Variants in KRABD3 observed in about 807,000 individuals in gnomAD.
The protein encoded by KRABD3 is KRAB domain containing 3.
At chr7:149,722,136 A>G in the KRABD3 span, 2 of 473,498 alleles carry the variant, frequency 4.2e-6, no homozygotes, top group South Asian at 4.2e-5. Flanking sequence ...TGGTTTGAGA[A>G]GCGTGAGTGT....
chr7:149,733,574 T>A, the KRABD3 span: 12 of 1,600,254 alleles, frequency 7.5e-6, no homozygotes, highest in Non-Finnish European at 1.0e-5. Flanking sequence ...ACATCTGCCC[T>A]ACTGGAGGCA....
the KRABD3 span, chr7:149,730,217 C>G: frequency 3.2e-4 from 496 of 1,572,588 alleles, no homozygotes; most frequent in Non-Finnish European, 3.4e-5. Context: ...CTGTAAGGCC[C>G]TTGCGCTTCG....
chr7:149,717,204 C>A, the KRABD3 span, among the ~76,000 whole-genome samples: 1 of 152,240 alleles, frequency 6.6e-6, no homozygotes, highest in Non-Finnish European at 1.5e-5. Flanking sequence ...CATGTGGGAA[C>A]CCTCTGCCTG....
the KRABD3 span, chr7:149,720,167 A>G: frequency 2.6e-6 from 4 of 1,548,792 alleles, no homozygotes; most frequent in East Asian, 4.9e-5. Flanking sequence ...CCTCCCACTC[A>G]TCGGTCCTCA....
the KRABD3 span, among the ~76,000 whole-genome samples, chr7:149,716,391 TG>T: frequency 1.0e-3 from 153 of 152,246 alleles, no homozygotes; most frequent in South Asian, 2.1e-4. Flanking sequence ...GGAGGTGAAG[TG>T]GGGCCCGAGG....
the KRABD3 span, chr7:149,730,226 C>G: frequency 1.3e-6 from 2 of 1,569,826 alleles, no homozygotes; most frequent in Non-Finnish European, 1.7e-6. Context: ...CCTTGCGCTT[C>G]GCCTGCGTGG....
At chr7:149,715,956 G>A in the KRABD3 span, among the ~76,000 whole-genome samples, 1 of 152,356 alleles carries the variant, frequency 6.6e-6, no homozygotes, top group South Asian at 2.1e-4. Context: ...TGTAAAGTGA[G>A]GAGTTTGGGC....
At chr7:149,726,404 C>A in the KRABD3 span, among the ~76,000 whole-genome samples, 1 of 151,828 alleles carries the variant, frequency 6.6e-6, no homozygotes, top group African/African-American at 2.4e-5. Flanking sequence ...TGAGACCAGC[C>A]TGGGCAACAT....
the KRABD3 span, chr7:149,725,972 C>T: frequency 1.2e-6 from 2 of 1,608,938 alleles, no homozygotes; most frequent in East Asian, 2.2e-5. Flanking sequence ...CCCGAGGAAC[C>T]CCCACCAGCT....
At chr7:149,725,721 T>G in the KRABD3 span, among the ~76,000 whole-genome samples, 2 of 152,248 alleles carry the variant, frequency 1.3e-5, no homozygotes, top group Non-Finnish European at 2.9e-5. Flanking sequence ...AGACTCACTG[T>G]GGGGTTTCTG....
the KRABD3 span, chr7:149,720,925 C>T: frequency 2.5e-6 from 4 of 1,613,544 alleles, no homozygotes; most frequent in African/African-American, 4.0e-5. Context: ...GTCAAGGGCG[C>T]TATGGACAGC....
the KRABD3 span, chr7:149,723,681 A>C: frequency 2.5e-6 from 4 of 1,570,326 alleles, no homozygotes; most frequent in African/African-American, 5.4e-5. Context: ...GTTGTTTGTC[A>C]TGAAGGCTGA....
At chr7:149,722,842 G>A in the KRABD3 span, 446 of 1,613,160 alleles carry the variant, frequency 2.8e-4, 1 homozygote, top group Non-Finnish European at 3.5e-4. Context: ...GGAAATCCTT[G>A]TGCCTGGGCC....
At chr7:149,722,284 G>A in the KRABD3 span, 28 of 1,164,206 alleles carry the variant, frequency 2.4e-5, no homozygotes, top group African/African-American at 2.6e-4. Flanking sequence ...AGAAAGAAAC[G>A]GTAAAGGCCC....
the KRABD3 span, chr7:149,715,366 C>T: frequency 1.1e-5 from 13 of 1,170,896 alleles, no homozygotes; most frequent in Admixed American, 4.6e-5. Context: ...AAATCTCATA[C>T]TTCTGTTCTT....
the KRABD3 span, chr7:149,722,697 G>A: frequency 6.6e-7 from 1 of 1,515,320 alleles, no homozygotes; most frequent in Non-Finnish European, 8.9e-7. Flanking sequence ...GGGAATCTCA[G>A]CCGCCCGGAG....
chr7:149,720,046 C>T, the KRABD3 span: 9 of 1,552,394 alleles, frequency 5.8e-6, no homozygotes, highest in African/African-American at 1.4e-5. Flanking sequence ...TTTCCTGTCA[C>T]CCTCAGAGCC....
chr7:149,727,906 C>G, the KRABD3 span, among the ~76,000 whole-genome samples: 2 of 152,316 alleles, frequency 1.3e-5, no homozygotes, highest in Non-Finnish European at 2.9e-5. Flanking sequence ...TGAGGTTGCC[C>G]TCCCGCCCTG....
At chr7:149,722,025 G>A in the KRABD3 span, 3 of 377,786 alleles carry the variant, frequency 7.9e-6, no homozygotes, top group African/African-American at 6.3e-5. Context: ...AATAAAATTG[G>A]CACTCCCAAA....
Sources: allele counts gnomAD v4.1 joint callset (sites outside exome capture counted in the v4.1 genomes callset), GRCh38; gene constraint gnomAD v4.1.1; transcripts MANE v1.5; gene names NCBI Gene and HGNC (gene_info 2026-07-23, HGNC 2026-07-21).